The following CEP83 variants were observed in gnomAD, a reference collection of about 807,000 sequenced individuals.
CEP83 encodes centrosomal protein 83.
Under a neutral mutation model 101.9 loss-of-function variants are expected in CEP83, and 70 were observed. That is an observed-to-expected ratio of 0.69 (90% CI 0.57 to 0.84). The LOEUF is 0.84. Ranked by LOEUF, CEP83 falls within the 40% of genes least tolerant of loss-of-function variation. The pLI, the probability that CEP83 is intolerant of heterozygous loss-of-function variation, is 0.00. For missense variants in CEP83, 715 were observed against 787.2 expected (o/e 0.91, Z 1.10); for synonymous variants, 264 against 267.9 (o/e 0.99, Z 0.14).
Position 94,436,294 on chromosome 12 carries a change from C to T in CEP83, c.-154-967G>A, listed in dbSNP as rs551847468. Among the ~76,000 whole-genome samples the T allele has an allele frequency of 1.9e-3, 289 of 150,004 alleles. 1 individual carries two copies. The highest frequency in any genetic ancestry group is 6.7e-3 in the African/African-American group (272 of 40,752). The stretch of plus-strand genomic sequence containing the variant: ...GATTATTAAGCTACTCAAGGGGGCA[C>T]TAGAGAAAAGTGAAAAACAACTTGA... On this transcript the variant is annotated intron_variant, in intron 1 of 16. Coordinates refer to ENST00000397809, the MANE Select transcript of CEP83 (RefSeq NM_016122.3).
intron 1 of CEP83, among the ~76,000 whole-genome samples, chr12:94,439,348 A>G (rs1437172572): frequency 6.6e-6 from 1 of 151,932 alleles, no homozygotes; most frequent in Admixed American, 6.5e-5. Context: ...AGATATCAAA[A>G]GTGATACCAC....
intron 1 of CEP83, among the ~76,000 whole-genome samples, chr12:94,457,675 G>C (rs950624279): frequency 3.9e-5 from 6 of 152,150 alleles, no homozygotes; most frequent in Non-Finnish European, 7.4e-5. Context: ...CTGACATAAA[G>C]AACATTAAAC....
intron 6 of CEP83, among the ~76,000 whole-genome samples, chr12:94,393,214 C>G (rs7957631): frequency 1.3e-5 from 2 of 152,246 alleles, no homozygotes; most frequent in Admixed American, 1.3e-4. Context: ...AACATTGATG[C>G]GAAAATCCTC....
intron 11 of CEP83, among the ~76,000 whole-genome samples, chr12:94,355,322 T>C (rs753144393): frequency 6.6e-5 from 10 of 151,950 alleles, no homozygotes; most frequent in Non-Finnish European, 7.4e-5. Context: ...TGAAACCCCA[T>C]CTCTACTAAA....
Position 94,341,109 on chromosome 12 carries a change from C to G in CEP83, c.1344-5445G>C, listed in dbSNP as rs1280279158. 2.0e-5 allele frequency among the ~76,000 whole-genome samples: 3 copies of G among 151,928 alleles called. No homozygotes were observed. The East Asian group carries it at 5.8e-4, about 29-fold the overall frequency. ...TTAATTTTTACATGGTTTTAATTTGCAAATTGAATAAATGTGCAGCGGAGC... is the reference window on the plus strand; with the variant it reads ...TTAATTTTTACATGGTTTTAATTTGGAAATTGAATAAATGTGCAGCGGAGC... On this transcript the variant is annotated intron_variant, in intron 11 of 16. Transcript: ENST00000397809.
chr12:94,329,992 T>C (rs950084543), intron 14 of CEP83, among the ~76,000 whole-genome samples: 1 of 152,310 alleles, frequency 6.6e-6, no homozygotes, highest in East Asian at 1.9e-4. Context: ...ACTCCAACCA[T>C]CAGCAACATT....
chr12:94,301,267 C>T, the CEP83 span, among the ~76,000 whole-genome samples: 1 of 152,162 alleles, frequency 6.6e-6, no homozygotes, highest in African/African-American at 2.4e-5. Context: ...TAATTAGCCC[C>T]ACCCAACTGC....
chr12:94,340,844 GATA>G (rs2059651776), intron 11 of CEP83, among the ~76,000 whole-genome samples: 1 of 152,190 alleles, frequency 6.6e-6, no homozygotes, highest in Admixed American at 6.5e-5. Flanking sequence ...AAACGAGAGA[GATA>G]ATAAGAGAGG....
chr12:94,361,822 C>A (rs2060777775), intron 11 of CEP83, among the ~76,000 whole-genome samples: 1 of 152,142 alleles, frequency 6.6e-6, no homozygotes, highest in South Asian at 2.1e-4. Flanking sequence ...CTGCCTCAGC[C>A]TCCAGTGTAG....
intron 6 of CEP83, among the ~76,000 whole-genome samples, chr12:94,386,673 T>C (rs921825256): frequency 6.6e-6 from 1 of 152,158 alleles, no homozygotes; most frequent in Non-Finnish European, 1.5e-5. Flanking sequence ...CCTATTTTTG[T>C]CCCAGTTTTC....
At chr12:94,421,932 TG>T in intron 2 of CEP83, among the ~76,000 whole-genome samples, 1 of 152,324 alleles carries the variant, frequency 6.6e-6, no homozygotes, top group African/African-American at 2.4e-5. Context: ...CAAAGACCTG[TG>T]GTAATATTCT....
intron 14 of CEP83, among the ~76,000 whole-genome samples, chr12:94,326,215 C>T (rs993479088): frequency 1.3e-5 from 2 of 152,178 alleles, no homozygotes; most frequent in Non-Finnish European, 2.9e-5. Context: ...CATGGAGGCT[C>T]TGCACCACAA....
chr12:94,429,953 G>A (rs1276774997), intron 2 of CEP83, among the ~76,000 whole-genome samples: 1 of 152,178 alleles, frequency 6.6e-6, no homozygotes, highest in East Asian at 1.9e-4. Context: ...CAGCAGTAGG[G>A]CTGCAGCACA....
At chr12:94,323,622 A>T (rs1364514585) in intron 14 of CEP83, among the ~76,000 whole-genome samples, 1 of 152,156 alleles carries the variant, frequency 6.6e-6, no homozygotes, top group Non-Finnish European at 1.5e-5. Context: ...TCTCTCCATG[A>T]AAGTGGCACA....
chr12:94,459,945 T>C (rs1197778956), upstream of CEP83: 1 of 152,486 alleles, frequency 6.6e-6, no homozygotes, highest in African/African-American at 2.4e-5. Context: ...AGGAGCGGGC[T>C]CTGTCCCTTG....
intron 1 of CEP83, among the ~76,000 whole-genome samples, chr12:94,458,712 T>C (rs2067898530): frequency 6.6e-6 from 1 of 152,196 alleles, no homozygotes; most frequent in African/African-American, 2.4e-5. Context: ...CACTCCAGCC[T>C]GGGCGACAGA....
rs1322828796 is a variant in CEP83, at chr12:94,374,608, TAC to T, written c.933+1276_933+1277del. Among the ~76,000 whole-genome samples the T allele has an allele frequency of 3.9e-5, 6 of 152,202 alleles. No individual in the cohort carries two copies. The East Asian group carries it at 1.2e-3, about 29-fold the overall frequency. On this transcript the variant is annotated intron_variant, in intron 8 of 16. Transcript: ENST00000397809. ...AATCAAATTATTTCCTAGTAGTTCT[TAC>T]ACAGTCTTAGTAGGCTGGAAGGGTT...
At chr12:94,375,795 A>G in intron 8 of CEP83, 91 bp downstream of exon 8, 1 of 625,278 alleles carries the variant, frequency 1.6e-6, no homozygotes. Flanking sequence ...AAAACATTTC[A>G]GTATAAAGAA....
chr12:94,308,854 G>C lies in CEP83; in HGVS notation c.2065C>G (p.Gln689Glu). The C allele has an allele frequency of 6.2e-7, 1 of 1,612,810 alleles. No homozygotes were observed. The highest frequency in any genetic ancestry group is 8.5e-7 in the Non-Finnish European group (1 of 1,179,012). Reference sequence around the variant, plus strand: ...CCAAGTTCCTCTAGTTGTTTTCTTTGTGTTGTTTCCAGTTCTTCTAGTCTT... The same window carrying C: ...CCAAGTTCCTCTAGTTGTTTTCTTTCTGTTGTTTCCAGTTCTTCTAGTCTT... ...RKRLEELETT[Q>E]RKQLEELGSS... Residue 689 changes from glutamine to glutamate, a missense_variant, in exon 17 of 17, where the codon CAA (glutamine) becomes GAA (glutamate). Transcript: ENST00000397809.
Sources: gnomAD v4.1 joint callset for allele counts (sites outside exome capture counted in the v4.1 genomes callset) on GRCh38, gnomAD v4.1.1 for gene constraint, MANE v1.5 for transcripts, NCBI Gene and HGNC (gene_info 2026-07-23, HGNC 2026-07-21) for gene names.